The following SIL1 variants were observed in gnomAD, a reference collection of about 807,000 sequenced individuals.
SIL1 encodes the protein nucleotide exchange factor SIL1.
SIL1 carries 40 observed loss-of-function variants against 49.1 expected under a neutral mutation model. The observed-to-expected ratio is 0.81, with a 90% CI of 0.63 to 1.06. The LOEUF (loss-of-function observed/expected upper bound fraction) is 1.06. Among genes scored for constraint, SIL1 ranks in the 50% least tolerant of loss-of-function variants. The probability of loss-of-function intolerance (pLI) is 0.00; values close to 1 mark genes in which losing one functional copy is unlikely to be tolerated. For missense variants in SIL1, 500 were observed against 572.6 expected (o/e 0.87, Z 1.29); for synonymous variants, 253 against 250.8 (o/e 1.01, Z -0.08).
intron 1 of SIL1, among the ~76,000 whole-genome samples, chr5:139,180,058 T>TAAAAAA (rs33982607): frequency 8.2e-6 from 1 of 122,142 alleles, no homozygotes; most frequent in Non-Finnish European, 1.7e-5. Context: ...CCTGTCTCTT[T>TAAAAAA]AAAAAAAAAA....
chr5:139,068,045 C>T (rs1387631959), intron 3 of SIL1, among the ~76,000 whole-genome samples: 2 of 152,174 alleles, frequency 1.3e-5, no homozygotes, highest in Non-Finnish European at 2.9e-5. Context: ...CTGACATAAA[C>T]AAGATCACTA....
chr5:139,173,969 A>AC (rs1561890652), intron 1 of SIL1, among the ~76,000 whole-genome samples: 2 of 150,732 alleles, frequency 1.3e-5, no homozygotes, highest in African/African-American at 4.9e-5. Flanking sequence ...AAAAAATAAA[A>AC]GAAAAAAAAA....
chr5:138,996,409 T>A (rs530761320), intron 7 of SIL1, among the ~76,000 whole-genome samples: 1 of 152,172 alleles, frequency 6.6e-6, no homozygotes, highest in Non-Finnish European at 1.5e-5. Context: ...GCCCCTTATA[T>A]TTTCTGTTTA....
rs1045570842 is a variant in SIL1, at chr5:139,046,538, C to A, written c.354-3819G>T. On this transcript the variant is annotated intron_variant, in intron 4 of 9. Coordinates refer to ENST00000394817, the MANE Select transcript of SIL1 (RefSeq NM_022464.5). ...TGACAAAGCCTTTTCCTTGATAAAG[C>A]CTGGGACTTCCTGTTGTTCCATCTG... is the stretch of plus-strand genomic sequence containing the variant. 4.6e-5 allele frequency among the ~76,000 whole-genome samples: 7 copies of A among 152,306 alleles called. No individual in the cohort carries two copies. The East Asian group carries it at 1.3e-3, about 29-fold the overall frequency.
chr5:139,056,511 C>A (rs961919104), intron 3 of SIL1, among the ~76,000 whole-genome samples: 1 of 150,870 alleles, frequency 6.6e-6, no homozygotes, highest in Non-Finnish European at 1.5e-5. Context: ...GGGGTCAGCC[C>A]CCCGCCAGGC....
rs117414453 is a variant in SIL1 at position 139,104,977 on chromosome 5, G to A, written c.244+16058C>T. On this transcript the variant is annotated intron_variant, in intron 3 of 9. Transcript: ENST00000394817. ...TGCTTAGAGGAAAAGCGGAAGAAATGAGAGGCTAGGCAACCCAGACTCCAC... is the reference window on the plus strand; with the variant it reads ...TGCTTAGAGGAAAAGCGGAAGAAATAAGAGGCTAGGCAACCCAGACTCCAC... 3.2e-4 allele frequency among the ~76,000 whole-genome samples: 49 copies of A among 152,240 alleles called. No homozygotes were observed. The East Asian group carries it at 9.5e-3, about 29-fold the overall frequency.
chr5:139,130,320 T>A (rs1223818466), intron 1 of SIL1, among the ~76,000 whole-genome samples: 1 of 152,080 alleles, frequency 6.6e-6, no homozygotes, highest in African/African-American at 2.4e-5. Flanking sequence ...GGCAAAGGAC[T>A]TGAATAAACA....
At chr5:139,028,273 G>A (rs1352639731) in intron 5 of SIL1, among the ~76,000 whole-genome samples, 4 of 152,110 alleles carry the variant, frequency 2.6e-5, no homozygotes, top group Non-Finnish European at 5.9e-5. Flanking sequence ...GCCGAGGCAG[G>A]CAGATCACGA....
intron 1 of SIL1, among the ~76,000 whole-genome samples, chr5:139,176,934 T>C (rs1751896119): frequency 7.0e-6 from 1 of 142,194 alleles, no homozygotes; most frequent in African/African-American, 2.6e-5. Context: ...ATTCTTTTTT[T>C]TTTTTTTTTT....
intron 3 of SIL1, among the ~76,000 whole-genome samples, chr5:139,095,272 T>TCCAAAA: frequency 6.6e-6 from 1 of 150,520 alleles, no homozygotes; most frequent in Middle Eastern, 3.4e-3. Flanking sequence ...ATTCTTTTTT[T>TCCAAAA]TTTTTTTTTT....
At chr5:139,073,713 A>G (rs1203650033) in intron 3 of SIL1, among the ~76,000 whole-genome samples, 2 of 152,070 alleles carry the variant, frequency 1.3e-5, no homozygotes, top group Non-Finnish European at 2.9e-5. Context: ...AGACCGAGGC[A>G]GGTGGATCAC....
At chr5:139,195,396 T>G (rs1471345769) in intron 1 of SIL1, among the ~76,000 whole-genome samples, 1 of 152,166 alleles carries the variant, frequency 6.6e-6, no homozygotes, top group Non-Finnish European at 1.5e-5. Context: ...TGTTTTGTTT[T>G]GTTTTGTTTT....
chr5:139,012,076 T>C (rs1164455333), intron 7 of SIL1, among the ~76,000 whole-genome samples: 1 of 151,920 alleles, frequency 6.6e-6, no homozygotes, highest in Non-Finnish European at 1.5e-5. Flanking sequence ...TTTTCTGAGA[T>C]GGAGTCTCGC....
At chr5:139,194,333 TTA>T (rs1752226759) in intron 1 of SIL1, among the ~76,000 whole-genome samples, 1 of 152,194 alleles carries the variant, frequency 6.6e-6, no homozygotes, top group Non-Finnish European at 1.5e-5. Flanking sequence ...ATGAACTCAG[TTA>T]TTGCTTATGC....
Position 139,121,149 on chromosome 5 carries a change from C to G in SIL1, c.130G>C (p.Glu44Gln). Residue 44 changes from glutamate (E) to glutamine (Q), a missense_variant, in exon 3 of 10, where the codon GAG becomes CAG. Coordinates refer to ENST00000394817, the MANE Select transcript of SIL1 (RefSeq NM_022464.5). The stretch of plus-strand genomic sequence containing the variant: ...TCTGTTTCTTTGGTGCTGCTCTTCT[C>G]TGGGTTGGTCAGGGCAAACTCCTTC... ...NLKEFALTNP[E>Q]KSSTKETERK... 6.2e-7 allele frequency: 1 copy of G among 1,614,148 alleles called. No homozygotes were observed. The highest frequency in any genetic ancestry group is 8.5e-7 in the Non-Finnish European group (1 of 1,180,028).
In SIL1 at chr5:139,021,197, C is replaced by T. The variant is rs773520401; in HGVS notation, c.741G>A (p.Ala247=). 61 of 1,614,018 alleles carry T rather than the reference C, an allele frequency of 3.8e-5. No individual in the cohort carries two copies. The highest frequency in any genetic ancestry group is 4.4e-5 in the South Asian group (4 of 91,080). ...STEPLVKEYA[A]FVLGAAFSSN... Reference sequence around the variant, plus strand: ...TGGAAAAGGCAGCGCCCAGCACAAACGCAGCATACTCCTTCACGAGGGGCT... The same window carrying T: ...TGGAAAAGGCAGCGCCCAGCACAAATGCAGCATACTCCTTCACGAGGGGCT... Residue 247 remains alanine (A), a synonymous_variant, in exon 7 of 10, where the codon GCG becomes GCA. Coordinates refer to ENST00000394817, the MANE Select transcript of SIL1 (RefSeq NM_022464.5).
intron 1 of SIL1, among the ~76,000 whole-genome samples, chr5:139,153,282 G>A (rs527274549): frequency 1.3e-5 from 2 of 152,136 alleles, no homozygotes; most frequent in East Asian, 1.9e-4. Flanking sequence ...AGACACTTCC[G>A]CTTTGAGGCC....
intron 3 of SIL1, among the ~76,000 whole-genome samples, chr5:139,073,266 C>T (rs1020021107): frequency 3.3e-5 from 5 of 152,176 alleles, no homozygotes; most frequent in South Asian, 2.1e-4. Context: ...ATGTTTACTA[C>T]GTTATTCACA....
chr5:138,953,687 GC>G (rs1020847993), intron 7 of SIL1, among the ~76,000 whole-genome samples: 4 of 124,078 alleles, frequency 3.2e-5, no homozygotes, highest in East Asian at 2.0e-4. Context: ...CTGCTCCCCT[GC>G]CCCCCACGAC....
Sources: allele counts gnomAD v4.1 joint callset (sites outside exome capture counted in the v4.1 genomes callset), GRCh38; gene constraint gnomAD v4.1.1; transcripts MANE v1.5; gene names NCBI Gene and HGNC (gene_info 2026-07-23, HGNC 2026-07-21).